The following BMERB1 variants were observed in gnomAD, a reference collection of about 807,000 sequenced individuals.
The protein encoded by BMERB1 is bMERB domain-containing protein 1.
BMERB1 carries 12 observed loss-of-function variants against 23.6 expected under a neutral mutation model. The observed-to-expected ratio is 0.51, with a 90% confidence interval of 0.33 to 0.82. The LOEUF (loss-of-function observed/expected upper bound fraction) is 0.82, where lower values mean the gene tolerates loss of function less well. Ranked by LOEUF, BMERB1 falls within the 40% of genes least tolerant of loss-of-function variation. The probability of loss-of-function intolerance (pLI) is 0.03; values close to 1 mark genes in which losing one functional copy is unlikely to be tolerated. For synonymous variants in BMERB1, 122 were observed against 96.6 expected (o/e 1.26, Z -1.54); for missense variants, 247 against 255.4 (o/e 0.97, Z 0.22).
intron 1 of BMERB1, among the ~76,000 whole-genome samples, chr16:15,483,831 G>A (rs531620369): frequency 5.3e-5 from 8 of 152,278 alleles, no homozygotes; most frequent in South Asian, 2.1e-4. Context: ...GAGGATTAAC[G>A]ATGTAATTAC....
chr16:15,541,851 C>G (rs886132861), intron 2 of BMERB1, among the ~76,000 whole-genome samples: 2 of 151,602 alleles, frequency 1.3e-5, no homozygotes, highest in African/African-American at 4.8e-5. Flanking sequence ...ATCCGCCCGC[C>G]TCGGCCTCCC....
chr16:15,490,641 C>T (rs537380809), intron 1 of BMERB1, among the ~76,000 whole-genome samples: 2 of 152,034 alleles, frequency 1.3e-5, no homozygotes, highest in Admixed American at 6.5e-5. Context: ...GTGCGTGTGC[C>T]CAGAGACGCC....
intron 1 of BMERB1, among the ~76,000 whole-genome samples, chr16:15,480,188 C>A (rs1465700529): frequency 6.6e-6 from 1 of 151,356 alleles, no homozygotes; most frequent in Non-Finnish European, 1.5e-5. Context: ...TCTCGGCTCA[C>A]TGCAAGCTCC....
At chr16:15,436,270 T>C (rs1236463571) in intron 1 of BMERB1, among the ~76,000 whole-genome samples, 1 of 150,994 alleles carries the variant, frequency 6.6e-6, no homozygotes, top group Non-Finnish European at 1.5e-5. Context: ...TTTTTTTTTT[T>C]TTTTTGAGAC....
intron 1 of BMERB1, among the ~76,000 whole-genome samples, chr16:15,442,023 C>T (rs1303275317): frequency 6.6e-6 from 1 of 152,094 alleles, no homozygotes; most frequent in East Asian, 1.9e-4. Context: ...GAAGATCAAG[C>T]ACCTGGTTAA....
intron 3 of BMERB1, among the ~76,000 whole-genome samples, chr16:15,576,061 CAG>C (rs1220956719): frequency 7.3e-6 from 1 of 137,912 alleles, no homozygotes; most frequent in Non-Finnish European, 1.5e-5. Flanking sequence ...TTTTTTGAGA[CAG>C]AGTCTTGCTC....
chr16:15,493,492 A>G (rs56145780), intron 1 of BMERB1, among the ~76,000 whole-genome samples: 11,731 of 152,112 alleles, frequency 0.077, 1,549 homozygotes, highest in African/African-American at 0.27. Context: ...TCCAGTACTG[A>G]TGCTTTGCCT....
At chr16:15,538,484 G>A (rs916060130) in intron 2 of BMERB1, among the ~76,000 whole-genome samples, 2 of 151,822 alleles carry the variant, frequency 1.3e-5, no homozygotes, top group African/African-American at 4.8e-5. Flanking sequence ...TAGATTGGAA[G>A]TCAGTGCTCT....
At chr16:15,485,382 C>G (rs1260211300) in intron 1 of BMERB1, among the ~76,000 whole-genome samples, 1 of 152,236 alleles carries the variant, frequency 6.6e-6, no homozygotes, top group Non-Finnish European at 1.5e-5. Context: ...CCTGGCCATT[C>G]AGGCCTTCAC....
chr16:15,584,911 T>A (rs1358439947), intron 5 of BMERB1, among the ~76,000 whole-genome samples: 2 of 152,130 alleles, frequency 1.3e-5, no homozygotes. Context: ...TCCATTACCA[T>A]CACCAAGAGG....
intron 1 of BMERB1, among the ~76,000 whole-genome samples, chr16:15,452,614 G>A (rs2051052146): frequency 6.6e-6 from 1 of 152,088 alleles, no homozygotes; most frequent in Admixed American, 6.6e-5. Flanking sequence ...CCTAAAATAA[G>A]CACTTTTAGA....
chr16:15,529,912 T>C (rs980803273), intron 2 of BMERB1, among the ~76,000 whole-genome samples: 1 of 152,226 alleles, frequency 6.6e-6, no homozygotes, highest in South Asian at 2.1e-4. Flanking sequence ...ACATTTCTTT[T>C]ATCTTACAGT....
In BMERB1 at chr16:15,515,299, G is replaced by A; in HGVS notation, c.107-6G>A. ...CTGATGGTTGTATTTCCTGTCTCCT[G>A]CACAGATCAGCTGGACATCATCTCC... On this transcript the variant is annotated splice_region_variant and splice_polypyrimidine_tract_variant and intron_variant, in intron 1 of 5. Transcript: ENST00000300006. 1 of 1,613,176 alleles carries A rather than the reference G, an allele frequency of 6.2e-7. No homozygotes were observed. The highest frequency in any genetic ancestry group is 1.1e-5 in the South Asian group (1 of 91,012).
intron 2 of BMERB1, among the ~76,000 whole-genome samples, chr16:15,544,981 CT>C (rs71134436): frequency 1.3e-5 from 2 of 151,122 alleles, no homozygotes; most frequent in African/African-American, 2.4e-5. Flanking sequence ...TTTTCTTTTT[CT>C]TTTTTTTTGA....
At chr16:15,499,231 C>G (rs964082225) in intron 1 of BMERB1, among the ~76,000 whole-genome samples, 2 of 152,016 alleles carry the variant, frequency 1.3e-5, no homozygotes, top group African/African-American at 4.8e-5. Flanking sequence ...AACTCTGTCT[C>G]TACCAAAAAT....
chr16:15,446,532 G>A (rs2050991618), intron 1 of BMERB1, among the ~76,000 whole-genome samples: 1 of 152,150 alleles, frequency 6.6e-6, no homozygotes, highest in Non-Finnish European at 1.5e-5. Flanking sequence ...GCCATCTATT[G>A]CATTTATTGT....
chr16:15,554,641 A>G (rs1391726138), intron 2 of BMERB1, among the ~76,000 whole-genome samples: 2 of 146,552 alleles, frequency 1.4e-5, no homozygotes, highest in Non-Finnish European at 3.0e-5. Context: ...TCTAAAAAAG[A>G]AAAAAAAAAG....
intron 2 of BMERB1, among the ~76,000 whole-genome samples, chr16:15,550,996 A>G (rs990632204): frequency 6.6e-6 from 1 of 152,222 alleles, no homozygotes; most frequent in African/African-American, 2.4e-5. Flanking sequence ...GACGCCACAC[A>G]GTGGCAGGAA....
At chr16:15,518,536 A>G (rs1393555683) in intron 2 of BMERB1, among the ~76,000 whole-genome samples, 4 of 152,162 alleles carry the variant, frequency 2.6e-5, no homozygotes, top group Non-Finnish European at 4.4e-5. Flanking sequence ...GTCCTCATCC[A>G]TCATCCTCAG....
Sources: allele counts gnomAD v4.1 joint callset (sites outside exome capture counted in the v4.1 genomes callset), GRCh38; gene constraint gnomAD v4.1.1; transcripts MANE v1.5; gene names NCBI Gene and HGNC (gene_info 2026-07-23, HGNC 2026-07-21).